Variants in CSMD1 observed in about 807,000 individuals in gnomAD.
The protein encoded by CSMD1 is CUB and Sushi multiple domains 1, also known as CUB and sushi domain-containing protein 1.
CSMD1 carries 213 observed loss-of-function variants against 417.5 expected under a neutral mutation model. The observed-to-expected ratio is 0.51, with a 90% CI of 0.46 to 0.57. CSMD1 has a LOEUF of 0.57. CSMD1 is among the 20% of genes least tolerant of loss of function. The probability of loss-of-function intolerance (pLI) is 0.00; values close to 1 mark genes in which losing one functional copy is unlikely to be tolerated. For synonymous variants in CSMD1, 2,862 were observed against 1,736.8 expected (o/e 1.65, Z -16.11); for missense variants, 6,923 against 4,529.7 (o/e 1.53, Z -15.17).
intron 6 of CSMD1, among the ~76,000 whole-genome samples, chr8:3,734,463 C>G (rs1000479404): frequency 2.6e-5 from 4 of 152,210 alleles, no homozygotes; most frequent in Admixed American, 1.3e-4. Context: ...GTAATCCCAG[C>G]ACTTTGAGAG....
chr8:3,428,838 G>A (rs1228230108), intron 12 of CSMD1, among the ~76,000 whole-genome samples: 1 of 152,154 alleles, frequency 6.6e-6, no homozygotes, highest in Non-Finnish European at 1.5e-5. Flanking sequence ...TGGTAAAAAT[G>A]TGGAATACTA....
chr8:3,469,332 C>T (rs1209594099), intron 11 of CSMD1: 1 of 152,192 alleles, frequency 6.6e-6, no homozygotes, highest in African/African-American at 2.4e-5. Flanking sequence ...CACAAACTCT[C>T]CTTTTAAAAT....
chr8:3,478,446 C>G lies in CSMD1; in HGVS notation c.1449-9622G>C, dbSNP rs113617711. Among the ~76,000 whole-genome samples, 415 of 152,308 alleles carry G rather than the reference C, an allele frequency of 2.7e-3. 2 individuals are homozygous for G. Among genetic ancestry groups the G allele is most frequent in the Non-Finnish European group, 5.1e-3 (348 of 68,022 alleles). ...TGCAGATCCTTTTTTCCTTCCCCCT[C>G]TGTGTAAAACACAAATATCAGGCCT... On this transcript the variant is annotated intron_variant, in intron 11 of 69. Transcript: ENST00000635120.
At chr8:3,488,460 G>A (rs1818183664) in intron 11 of CSMD1, among the ~76,000 whole-genome samples, 2 of 152,098 alleles carry the variant, frequency 1.3e-5, no homozygotes, top group African/African-American at 2.4e-5. Flanking sequence ...ATAGATAAAT[G>A]TATCTGGAAG....
chr8:4,856,432 C>A (rs1352134398), intron 1 of CSMD1, among the ~76,000 whole-genome samples: 1 of 141,732 alleles, frequency 7.1e-6, no homozygotes, highest in South Asian at 2.2e-4. Context: ...CTTTAAATGT[C>A]AATGGACTAA....
intron 3 of CSMD1, among the ~76,000 whole-genome samples, chr8:4,115,025 GTTTGAAAGAATTGATTCAAAT>G (rs1454573419): frequency 6.6e-6 from 1 of 152,188 alleles, no homozygotes; most frequent in Non-Finnish European, 1.5e-5. Context: ...CAGAAGCATG[GTTTGAAAGAATTGATTCAAAT>G]TTTGAAAGAA....
At chr8:3,998,378 G>T (rs928304730) in intron 4 of CSMD1, among the ~76,000 whole-genome samples, 2 of 152,142 alleles carry the variant, frequency 1.3e-5, no homozygotes, top group Non-Finnish European at 2.9e-5. Flanking sequence ...AAGTGTAGTT[G>T]CCATGTACCT....
At chr8:4,830,662 A>G (rs1437552014) in intron 1 of CSMD1, among the ~76,000 whole-genome samples, 1 of 152,194 alleles carries the variant, frequency 6.6e-6, no homozygotes, top group African/African-American at 2.4e-5. Flanking sequence ...TCACAGAAAA[A>G]TCCACTTAAT....
chr8:4,418,243 T>C (rs574454348), intron 3 of CSMD1, among the ~76,000 whole-genome samples: 1 of 152,224 alleles, frequency 6.6e-6, no homozygotes, highest in Non-Finnish European at 1.5e-5. Flanking sequence ...CATTAAAAAA[T>C]AAATCCAAGT....
intron 5 of CSMD1, among the ~76,000 whole-genome samples, chr8:3,960,916 G>C (rs769353961): frequency 3.3e-5 from 5 of 151,886 alleles, no homozygotes; most frequent in African/African-American, 1.2e-4. Flanking sequence ...TCTAGACTTA[G>C]ATTATTCCTC....
In CSMD1 at chr8:3,310,855, G is replaced by A. The variant is rs577138187; in HGVS notation, c.3632-2352C>T. Reference sequence around the variant, plus strand: ...ACACCCAATGTGACCCGAACTTCTCGTTTTTCAAGGGGCAAAAGAAATCTG... The same window carrying A: ...ACACCCAATGTGACCCGAACTTCTCATTTTTCAAGGGGCAAAAGAAATCTG... On this transcript the variant is annotated intron_variant, in intron 23 of 69. Coordinates refer to ENST00000635120, the MANE Select transcript of CSMD1 (RefSeq NM_033225.6). 2.0e-4 allele frequency among the ~76,000 whole-genome samples: 31 copies of A among 152,180 alleles called. No individual in the cohort carries two copies. The South Asian group carries it at 3.5e-3, about 17-fold the overall frequency.
At chr8:3,097,408 T>C (rs374777903) in intron 46 of CSMD1, among the ~76,000 whole-genome samples, 1 of 152,096 alleles carries the variant, frequency 6.6e-6, no homozygotes, top group Admixed American at 6.6e-5. Flanking sequence ...TGAAATGTTA[T>C]GCAATAAGAA....
rs557729824 is a variant in CSMD1 at position 3,389,918 on chromosome 8, G to A, written c.2594-2236C>T. 2.6e-5 allele frequency among the ~76,000 whole-genome samples: 4 copies of A among 152,150 alleles called. No homozygotes were observed. In the South Asian group the frequency reaches 8.3e-4, roughly 32 times the overall value. Reference sequence around the variant, plus strand: ...TTTGAAATATGCAGACATTGTTCTCGTTTTCATTACAAACTGTTTGAATGG... The same window carrying A: ...TTTGAAATATGCAGACATTGTTCTCATTTTCATTACAAACTGTTTGAATGG... On this transcript the variant is annotated intron_variant, in intron 17 of 69. Coordinates refer to ENST00000635120, the MANE Select transcript of CSMD1 (RefSeq NM_033225.6).
rs555393456 is a variant in CSMD1, at chr8:4,388,763, C to A, written c.415+31190G>T. On this transcript the variant is annotated intron_variant, in intron 3 of 69. Transcript: ENST00000635120. ...GAAAAAAGTAAAAATAAAATAAAACCTGTCTTTCTGTGTATTCAGTCCTTG... is the reference window on the plus strand; with the variant it reads ...GAAAAAAGTAAAAATAAAATAAAACATGTCTTTCTGTGTATTCAGTCCTTG... Among the ~76,000 whole-genome samples the A allele has an allele frequency of 1.9e-3, 290 of 152,200 alleles. 2 individuals are homozygous for A. Among genetic ancestry groups the A allele is most frequent in the Middle Eastern group, 3.4e-3 (1 of 294 alleles).
At chr8:4,557,239 T>A (rs1297724389) in intron 2 of CSMD1, among the ~76,000 whole-genome samples, 1 of 152,202 alleles carries the variant, frequency 6.6e-6, no homozygotes, top group African/African-American at 2.4e-5. Context: ...CTCAGTGCTA[T>A]TCCTAGAATT....
intron 1 of CSMD1, among the ~76,000 whole-genome samples, chr8:4,838,320 A>C (rs192747490): frequency 6.6e-6 from 1 of 152,328 alleles, no homozygotes; most frequent in East Asian, 1.9e-4. Flanking sequence ...GTTCATGGAA[A>C]TAAAATTAAC....
chr8:4,231,082 C>T (rs1015763352), intron 3 of CSMD1, among the ~76,000 whole-genome samples: 2 of 152,172 alleles, frequency 1.3e-5, no homozygotes, highest in Non-Finnish European at 2.9e-5. Flanking sequence ...AAGGGTTATC[C>T]TAAATTAAGC....
intron 2 of CSMD1, among the ~76,000 whole-genome samples, chr8:4,610,848 C>A (rs551707493): frequency 6.6e-6 from 1 of 152,008 alleles, no homozygotes; most frequent in South Asian, 2.1e-4. Flanking sequence ...GCATGTGTGG[C>A]GAAAACCTTA....
intron 2 of CSMD1, among the ~76,000 whole-genome samples, chr8:4,608,167 T>A (rs1800982912): frequency 6.6e-6 from 1 of 152,136 alleles, no homozygotes; most frequent in South Asian, 2.1e-4. Context: ...CCTAGGAGTC[T>A]TTTCAGGGCA....
Sources: allele counts gnomAD v4.1 joint callset (sites outside exome capture counted in the v4.1 genomes callset), GRCh38; gene constraint gnomAD v4.1.1; transcripts MANE v1.5; gene names NCBI Gene and HGNC (gene_info 2026-07-23, HGNC 2026-07-21).